Variants in ZFYVE9 observed in about 807,000 individuals in gnomAD.
ZFYVE9 encodes the protein zinc finger FYVE domain-containing protein 9.
In ZFYVE9, 43 loss-of-function variants were observed where a neutral mutation model predicts 126.7. The observed-to-expected ratio is 0.34, with a 90% CI of 0.27 to 0.44. The LOEUF is 0.44. Ranked by LOEUF, ZFYVE9 falls within the 20% of genes least tolerant of loss-of-function variation. ZFYVE9 has a pLI of 1.00. For synonymous variants in ZFYVE9, 521 were observed against 597.4 expected, an observed-to-expected ratio of 0.87 and a Z score of 1.87; for missense variants, 1,476 against 1,697.0, an observed-to-expected ratio of 0.87 and a Z score of 2.29.
At chr1:52,180,939 A>G (rs1263651160) in intron 1 of ZFYVE9, among the ~76,000 whole-genome samples, 2 of 145,778 alleles carry the variant, frequency 1.4e-5, no homozygotes, top group African/African-American at 5.1e-5. Context: ...ACCCCATTGC[A>G]TGCCAGCCTG....
intron 1 of ZFYVE9, among the ~76,000 whole-genome samples, chr1:52,168,213 TC>T (rs376068487): frequency 6.3e-5 from 9 of 142,892 alleles, no homozygotes; most frequent in Non-Finnish European, 6.1e-5. Flanking sequence ...CTCTTCGTCT[TC>T]TTTTTTTTTT....
intron 1 of ZFYVE9, among the ~76,000 whole-genome samples, chr1:52,215,722 A>G (rs1645065920): frequency 6.6e-6 from 1 of 152,220 alleles, no homozygotes; most frequent in Admixed American, 6.5e-5. Flanking sequence ...AAGCAGTTAT[A>G]GTTGGGCTAC....
At chr1:52,190,284 G>C (rs920098065) in intron 1 of ZFYVE9, 4 of 152,224 alleles carry the variant, frequency 2.6e-5, no homozygotes, top group African/African-American at 9.7e-5. Flanking sequence ...AATGTCAATA[G>C]CCTGATTGCT....
intron 8 of ZFYVE9, among the ~76,000 whole-genome samples, chr1:52,278,233 G>A (rs1645767114): frequency 6.6e-6 from 1 of 151,950 alleles, no homozygotes; most frequent in African/African-American, 2.4e-5. Context: ...TTAGATTGTG[G>A]CACAAACCAC....
intron 13 of ZFYVE9, among the ~76,000 whole-genome samples, chr1:52,315,075 CAG>C (rs1456519541): frequency 3.9e-5 from 6 of 152,154 alleles, no homozygotes; most frequent in Admixed American, 3.9e-4. Flanking sequence ...TGAAAAGTGA[CAG>C]AAATGATAAA....
chr1:52,215,306 A>G (rs1645062255), intron 1 of ZFYVE9, among the ~76,000 whole-genome samples: 1 of 152,074 alleles, frequency 6.6e-6, no homozygotes, highest in South Asian at 2.1e-4. Flanking sequence ...AGCTCTTCTC[A>G]TTTAGAGTAT....
intron 6 of ZFYVE9, among the ~76,000 whole-genome samples, chr1:52,268,169 T>TA (rs1335604559): frequency 6.6e-6 from 1 of 152,242 alleles, no homozygotes; most frequent in Non-Finnish European, 1.5e-5. Context: ...CTGTCAGTGA[T>TA]ACGGGACAGA....
intron 13 of ZFYVE9, among the ~76,000 whole-genome samples, chr1:52,314,526 T>C (rs1481043464): frequency 6.6e-6 from 1 of 152,046 alleles, no homozygotes; most frequent in African/African-American, 2.4e-5. Flanking sequence ...CTACTAAAAG[T>C]ACAAAAGTAC....
intron 5 of ZFYVE9, 87 bp from the exon 6 acceptor site, chr1:52,266,568 A>G: frequency 1.7e-6 from 2 of 1,169,558 alleles, no homozygotes; most frequent in Non-Finnish European, 2.4e-6. Context: ...AATTAGGAGA[A>G]GCTGCATTAT....
intron 1 of ZFYVE9, among the ~76,000 whole-genome samples, chr1:52,173,860 A>G (rs1194319076): frequency 1.3e-5 from 2 of 151,630 alleles, no homozygotes; most frequent in African/African-American, 2.4e-5. Context: ...CCCCTTTATA[A>G]TTTTTTATTG....
At chr1:52,164,623 T>C (rs1056159169) in intron 1 of ZFYVE9, among the ~76,000 whole-genome samples, 1 of 151,948 alleles carries the variant, frequency 6.6e-6, no homozygotes, top group African/African-American at 2.4e-5. Flanking sequence ...TGACAATGAG[T>C]ATATATCTTT....
intron 9 of ZFYVE9, among the ~76,000 whole-genome samples, chr1:52,280,313 G>A (rs550603358): frequency 7.3e-5 from 11 of 151,558 alleles, no homozygotes; most frequent in Non-Finnish European, 1.5e-4. Context: ...CCAGGAGACG[G>A]AGGTTGCAGT....
chr1:52,276,123 G>C (rs959453081), intron 8 of ZFYVE9, among the ~76,000 whole-genome samples: 1 of 151,920 alleles, frequency 6.6e-6, no homozygotes. Flanking sequence ...GACCAGGCTG[G>C]TCTTGAACTC....
chr1:52,273,259 AG>A (rs1181428906), intron 7 of ZFYVE9, among the ~76,000 whole-genome samples: 1 of 148,652 alleles, frequency 6.7e-6, no homozygotes, highest in Admixed American at 6.7e-5. Context: ...CACCCACCTC[AG>A]ACTCCCAAAG....
chr1:52,180,226 A>G (rs754260679), intron 1 of ZFYVE9: 223 of 1,603,230 alleles, frequency 1.4e-4, no homozygotes, highest in Non-Finnish European at 1.8e-4. Context: ...GCCCTGATAA[A>G]TCAGCACCTC....
At chr1:52,217,057 C>T (rs919206083) in intron 2 of ZFYVE9, among the ~76,000 whole-genome samples, 3 of 151,952 alleles carry the variant, frequency 2.0e-5, no homozygotes, top group African/African-American at 7.3e-5. Flanking sequence ...CCAAAAGAAA[C>T]CCGCACTTAG....
chr1:52,317,537 C>G (rs1646197728), intron 13 of ZFYVE9, among the ~76,000 whole-genome samples: 2 of 151,546 alleles, frequency 1.3e-5, no homozygotes, highest in African/African-American at 4.8e-5. Flanking sequence ...ACCTACTCGT[C>G]TACCTTAAGT....
intron 8 of ZFYVE9, among the ~76,000 whole-genome samples, chr1:52,276,850 C>T (rs540674744): frequency 3.3e-5 from 5 of 152,246 alleles, no homozygotes; most frequent in African/African-American, 4.8e-5. Context: ...ATTTTCAGAT[C>T]GTATTCTTTC....
In ZFYVE9 at chr1:52,278,552, G is replaced by A. The variant is rs1028339851; in HGVS notation, c.2807G>A (p.Gly936Asp). ...ISVMQQLEDG[G>D]PDPLVFVLNA... ...GTAATGCAGCAGTTGGAGGATGGTGGCCCTGACCCACTTGTATTTGTTTTA... is the reference window on the plus strand; with the variant it reads ...GTAATGCAGCAGTTGGAGGATGGTGACCCTGACCCACTTGTATTTGTTTTA... Residue 936 changes from glycine (G) to aspartate (D), a missense_variant, in exon 9 of 19, where the codon GGC (glycine) becomes GAC (aspartate). This residue lies in a region of ZFYVE9 where 669 missense variants were observed against 902.4 expected (regional missense o/e 0.74). Coordinates refer to ENST00000287727, the MANE Select transcript of ZFYVE9 (RefSeq NM_004799.4). 6.2e-7 allele frequency: 1 copy of A among 1,611,278 alleles called. No homozygotes were observed. Among genetic ancestry groups the A allele is most frequent in the Non-Finnish European group, 8.5e-7 (1 of 1,178,552 alleles).
Sources: allele counts gnomAD v4.1 joint callset (sites outside exome capture counted in the v4.1 genomes callset), GRCh38; gene constraint gnomAD v4.1.1; regional missense constraint gnomAD v4.1.1; transcripts MANE v1.5; gene names NCBI Gene and HGNC (gene_info 2026-07-23, HGNC 2026-07-21).